Variants in PCDH15 observed in about 807,000 individuals in gnomAD.
PCDH15 encodes protocadherin-15.
PCDH15 carries 129 observed loss-of-function variants against 178.5 expected under a neutral mutation model. That is an observed-to-expected ratio of 0.72 (90% CI 0.63 to 0.84). The LOEUF (loss-of-function observed/expected upper bound fraction) is 0.84. PCDH15 is among the 40% of genes least tolerant of loss of function. The probability of loss-of-function intolerance (pLI) is 0.00; values close to 1 mark genes in which losing one functional copy is unlikely to be tolerated. For missense variants in PCDH15, 2,230 were observed against 2,099.9 expected (o/e 1.06, Z -1.21); for synonymous variants, 800 against 732.0 (o/e 1.09, Z -1.50).
At chr10:54,584,572 T>A (rs909575712) in intron 2 of PCDH15, among the ~76,000 whole-genome samples, 1 of 152,158 alleles carries the variant, frequency 6.6e-6, no homozygotes, top group African/African-American at 2.4e-5. Flanking sequence ...TATTTTCATA[T>A]CTTCTTTCTT....
intron 13 of PCDH15, among the ~76,000 whole-genome samples, chr10:54,181,638 C>T (rs539317570): frequency 1.3e-5 from 2 of 152,222 alleles, no homozygotes; most frequent in East Asian, 3.9e-4. Flanking sequence ...GATACAGATG[C>T]CACAGATACA....
intron 25 of PCDH15, chr10:53,905,323 T>C (rs1343273868): frequency 2.1e-6 from 1 of 465,340 alleles, no homozygotes; most frequent in Non-Finnish European, 4.3e-6. Flanking sequence ...ACCATTCATA[T>C]GTACATTTTT....
intron 20 of PCDH15, among the ~76,000 whole-genome samples, chr10:53,999,372 A>G (rs1240137780): frequency 1.3e-5 from 2 of 152,006 alleles, no homozygotes; most frequent in African/African-American, 4.8e-5. Flanking sequence ...TATTTCTCAT[A>G]TTATTAGCAT....
intron 1 of PCDH15, among the ~76,000 whole-genome samples, chr10:54,749,513 C>G (rs1033842303): frequency 5.9e-5 from 9 of 152,030 alleles, no homozygotes; most frequent in Admixed American, 3.3e-4. Flanking sequence ...TTTGTGAAAC[C>G]CAGAGTTCCA....
At chr10:54,666,298 G>T (rs1368894124) in intron 1 of PCDH15, among the ~76,000 whole-genome samples, 1 of 152,058 alleles carries the variant, frequency 6.6e-6, no homozygotes, top group Non-Finnish European at 1.5e-5. Flanking sequence ...TGGAGGAAAG[G>T]TCAGGCTCAG....
intron 3 of PCDH15, among the ~76,000 whole-genome samples, chr10:54,862,181 T>C (rs956323841): frequency 2.6e-5 from 4 of 152,146 alleles, no homozygotes; most frequent in Non-Finnish European, 5.9e-5. Context: ...ATTTAAACAA[T>C]GCACACAGAT....
intron 2 of PCDH15, among the ~76,000 whole-genome samples, chr10:55,535,929 T>C (rs1308771684): frequency 6.6e-6 from 1 of 152,198 alleles, no homozygotes; most frequent in South Asian, 2.1e-4. Flanking sequence ...GCTTAAGATA[T>C]TAAAATACAA....
At chr10:54,827,206 T>A (rs181876021) in intron 3 of PCDH15, among the ~76,000 whole-genome samples, 57 of 152,208 alleles carry the variant, frequency 3.7e-4, no homozygotes, top group Admixed American at 1.7e-3. Flanking sequence ...CATTGATATG[T>A]CTCAAGTGCT....
chr10:55,028,725 T>C (rs1339137682), intron 2 of PCDH15, among the ~76,000 whole-genome samples: 1 of 151,998 alleles, frequency 6.6e-6, no homozygotes, highest in Non-Finnish European at 1.5e-5. Flanking sequence ...CTCTGGCAAA[T>C]TATACAGATT....
intron 3 of PCDH15, among the ~76,000 whole-genome samples, chr10:54,457,814 C>A (rs2076925584): frequency 6.6e-6 from 1 of 152,146 alleles, no homozygotes; most frequent in South Asian, 2.1e-4. Context: ...TCCAAAAGTT[C>A]TCAAACAGTC....
intron 2 of PCDH15, among the ~76,000 whole-genome samples, chr10:55,013,745 C>T (rs1840104150): frequency 6.6e-6 from 1 of 152,102 alleles, no homozygotes; most frequent in South Asian, 2.1e-4. Flanking sequence ...AAGTCAAATT[C>T]AAGACATTTG....
At chr10:55,442,316 C>T (rs1589031141) in intron 2 of PCDH15, among the ~76,000 whole-genome samples, 1 of 148,986 alleles carries the variant, frequency 6.7e-6, no homozygotes, top group Non-Finnish European at 1.5e-5. Context: ...TTAGTAAATC[C>T]ATTAATTCAG....
intron 3 of PCDH15, among the ~76,000 whole-genome samples, chr10:54,513,793 A>G (rs1056686759): frequency 5.9e-5 from 9 of 152,220 alleles, no homozygotes; most frequent in Admixed American, 4.6e-4. Flanking sequence ...AAAAAACAGT[A>G]TTTGAAATGC....
intron 2 of PCDH15, among the ~76,000 whole-genome samples, chr10:55,507,275 T>C (rs1485323846): frequency 1.3e-5 from 2 of 151,688 alleles, no homozygotes; most frequent in East Asian, 3.9e-4. Flanking sequence ...TACTTTTAGA[T>C]AATATAATGC....
At chr10:54,032,873 G>T (rs1050402112) in intron 18 of PCDH15, among the ~76,000 whole-genome samples, 3 of 151,958 alleles carry the variant, frequency 2.0e-5, no homozygotes, top group Non-Finnish European at 4.4e-5. Flanking sequence ...TGGTGAAGGG[G>T]AAGCAGGCAA....
At chr10:54,870,533 C>T (rs1954016600) in intron 3 of PCDH15, among the ~76,000 whole-genome samples, 1 of 152,148 alleles carries the variant, frequency 6.6e-6, no homozygotes. Flanking sequence ...CGCCTGTAAT[C>T]CTAGCACTTC....
intron 3 of PCDH15, among the ~76,000 whole-genome samples, chr10:54,469,255 T>C (rs576059290): frequency 6.6e-6 from 1 of 152,060 alleles, no homozygotes; most frequent in African/African-American, 2.4e-5. Context: ...CACCACCACA[T>C]CCGGCTAATT....
intron 2 of PCDH15, among the ~76,000 whole-genome samples, chr10:55,133,318 T>C (rs981515923): frequency 6.6e-6 from 1 of 152,098 alleles, no homozygotes; most frequent in Non-Finnish European, 1.5e-5. Flanking sequence ...ACTTTTGACA[T>C]AGCCAAACAC....
At position 54,063,438 on chromosome 10, in the gene PCDH15, T is replaced by C. The variant is rs1445216458; in HGVS notation, c.2220+3319A>G. Reference sequence around the variant, plus strand: ...TGATAATTTTTGCACATGCCCCTGTTATAGACTTTATTACCTTGTTTTCTT... The same window carrying C: ...TGATAATTTTTGCACATGCCCCTGTCATAGACTTTATTACCTTGTTTTCTT... On this transcript the variant is annotated intron_variant, in intron 18 of 37. Coordinates refer to ENST00000644397, the MANE Select transcript of PCDH15 (RefSeq NM_001384140.1). 2.0e-5 allele frequency among the ~76,000 whole-genome samples: 3 copies of C among 152,214 alleles called. No individual in the cohort carries two copies. The East Asian group carries it at 5.8e-4, about 29-fold the overall frequency.
Sources: gnomAD v4.1 joint callset for allele counts (sites outside exome capture counted in the v4.1 genomes callset) on GRCh38, gnomAD v4.1.1 for gene constraint, MANE v1.5 for transcripts, NCBI Gene and HGNC (gene_info 2026-07-23, HGNC 2026-07-21) for gene names.